AGTRAP: variants seen among roughly 807,000 people sequenced by gnomAD.
AGTRAP encodes angiotensin II receptor associated protein.
A neutral mutation model predicts 15.2 loss-of-function variants in AGTRAP; 7 were observed. That is an observed-to-expected ratio of 0.46 (90% CI 0.26 to 0.87). The LOEUF (loss-of-function observed/expected upper bound fraction) is 0.87, where lower values mean the gene tolerates loss of function less well. Among genes scored for constraint, AGTRAP ranks in the 40% least tolerant of loss-of-function variants. The pLI is 0.15. For missense variants in AGTRAP, 187 were observed against 213.4 expected, an observed-to-expected ratio of 0.88 and a Z score of 0.77; for synonymous variants, 74 against 89.6, an observed-to-expected ratio of 0.83 and a Z score of 0.98.
intron 1 of AGTRAP, among the ~76,000 whole-genome samples, chr1:11,743,405 C>T (rs370416167): frequency 1.3e-5 from 2 of 151,116 alleles, no homozygotes; most frequent in East Asian, 3.9e-4. Context: ...ACCACCATGC[C>T]CAGCTAATTT....
chr1:11,736,966 TGTA>T (rs1052113473), intron 1 of AGTRAP, among the ~76,000 whole-genome samples: 2 of 152,178 alleles, frequency 1.3e-5, no homozygotes, highest in African/African-American at 4.8e-5. Context: ...GGCTAGGGGC[TGTA>T]GTTTTGGTCA....
chr1:11,742,282 G>C (rs1006792415), intron 1 of AGTRAP, among the ~76,000 whole-genome samples: 6 of 152,218 alleles, frequency 3.9e-5, no homozygotes, highest in Non-Finnish European at 8.8e-5. Context: ...GCTGCTGTGA[G>C]GTCCAGATAA....
chr1:11,746,650 C>A, intron 2 of AGTRAP: 1 of 169,716 alleles, frequency 5.9e-6, no homozygotes, highest in East Asian at 1.6e-4. Flanking sequence ...TGACCTTGGG[C>A]GAGTTACTTA....
rs1454368425 is a variant in AGTRAP at position 11,750,382 on chromosome 1, C to T, written c.*190C>T. ...CCATGCACACTCCTGTCCCGAACTC[C>T]CTGAGGCCTCCCCTCCCTTCAGGGC... On this transcript the variant is annotated 3_prime_UTR_variant, in exon 5 of 5. Coordinates refer to ENST00000314340, the MANE Select transcript of AGTRAP (RefSeq NM_020350.5). 1.6e-6 allele frequency: 1 copy of T among 642,100 alleles called. No individual in the cohort carries two copies. The highest frequency in any genetic ancestry group is 2.7e-5 in the East Asian group (1 of 36,558). 39.8% of individuals were successfully genotyped at this position (642,100 alleles called of 1,614,324 possible).
chr1:11,740,577 A>G (rs906640616), intron 1 of AGTRAP, among the ~76,000 whole-genome samples: 1 of 152,174 alleles, frequency 6.6e-6, no homozygotes, highest in Admixed American at 6.5e-5. Flanking sequence ...ACTCTGTATT[A>G]CAGGCCCTTC....
rs745623857 is a variant in AGTRAP at position 11,750,212 on chromosome 1, G to A, written c.*20G>A. 1.2e-5 allele frequency: 19 copies of A among 1,598,962 alleles called. No homozygotes were observed. Among genetic ancestry groups the A allele is most frequent in the South Asian group, 6.6e-5 (6 of 90,480 alleles). The stretch of plus-strand genomic sequence containing the variant: ...TACTGAAGCCAGCCACGCTGCGCCC[G>A]GCCCTGCCCCGGGCCTTCCTCGTGC... On this transcript the variant is annotated 3_prime_UTR_variant, in exon 5 of 5. Transcript: ENST00000314340.
chr1:11,750,229 TCCTC>T lies in AGTRAP; in HGVS notation c.*38_*41del. On this transcript the variant is annotated 3_prime_UTR_variant, in exon 5 of 5. Transcript: ENST00000314340. ...CTGCGCCCGGCCCTGCCCCGGGCCT[TCCTC>T]GTGCCTGGGAGGTCGTTCTAGGGAT... The T allele has an allele frequency of 6.5e-7, 1 of 1,540,476 alleles. No individual in the cohort carries two copies. Among genetic ancestry groups the T allele is most frequent in the Non-Finnish European group, 8.9e-7 (1 of 1,120,140 alleles).
In AGTRAP at chr1:11,745,791, G is replaced by T. The variant is rs1267162921; in HGVS notation, c.28-12G>T. 1 of 1,614,134 alleles carries T rather than the reference G, an allele frequency of 6.2e-7. No homozygotes were observed. The highest frequency in any genetic ancestry group is 2.2e-5 in the East Asian group (1 of 44,880). On this transcript the variant is annotated splice_polypyrimidine_tract_variant and intron_variant, in intron 1 of 4. Coordinates refer to ENST00000314340, the MANE Select transcript of AGTRAP (RefSeq NM_020350.5). The surrounding 1 kb of genome is among the most constrained non-coding windows in gnomAD (Gnocchi z 4.2). ...TTCACAGACCTCTTCTCTCCCCCTT[G>T]TTGTGCCACAGGTGATTCTCCTAGG...
chr1:11,748,521 C>A lies in AGTRAP; in HGVS notation c.275C>A (p.Ala92Asp). ...ACGGGCCGCTTTGGCGTGGGCATGG[C>A]CATCCTCAGCTTGCTGCTCAAGCCG... ...TDTGRFGVGMAILSLLLKPLS... is the reference protein window; with the variant it reads ...TDTGRFGVGMDILSLLLKPLS... The change falls in exon 4 of 5, where the codon GCC (alanine) becomes GAC (aspartate). Residue 92 changes from alanine (A) to aspartate (D), a missense_variant. Ala to Asp is a moderately radical substitution (Grantham distance 126). Coordinates refer to ENST00000314340, the MANE Select transcript of AGTRAP (RefSeq NM_020350.5). 6.2e-7 allele frequency: 1 copy of A among 1,612,510 alleles called. No individual in the cohort carries two copies. Among genetic ancestry groups the A allele is most frequent in the Non-Finnish European group, 8.5e-7 (1 of 1,180,012 alleles).
intron 1 of AGTRAP, among the ~76,000 whole-genome samples, chr1:11,742,458 TTCCTTC>T (rs1642055541): frequency 6.6e-6 from 1 of 151,644 alleles, no homozygotes; most frequent in Admixed American, 6.6e-5. Context: ...CCTTCCTTCC[TTCCTTC>T]TTTCCTTCCT....
chr1:11,744,351 TTACCATAAGGCA>T (rs1370545859), intron 1 of AGTRAP, among the ~76,000 whole-genome samples: 1 of 152,150 alleles, frequency 6.6e-6, no homozygotes, highest in Non-Finnish European at 1.5e-5. Flanking sequence ...TTGTTTTTCC[TTACCATAAGGCA>T]TACCAAGCTA....
intron 1 of AGTRAP, among the ~76,000 whole-genome samples, chr1:11,743,084 C>T (rs889032308): frequency 1.3e-5 from 2 of 152,158 alleles, no homozygotes; most frequent in Admixed American, 1.3e-4. Context: ...CACCCCACCC[C>T]GACCTCAGTT....
intron 1 of AGTRAP, among the ~76,000 whole-genome samples, chr1:11,743,929 C>A (rs1642098499): frequency 6.6e-6 from 1 of 152,066 alleles, no homozygotes; most frequent in Non-Finnish European, 1.5e-5. Context: ...GAGTAGAGAC[C>A]AGTTCCAGGA....
chr1:11,739,752 G>T (rs903009201), intron 1 of AGTRAP, among the ~76,000 whole-genome samples: 1 of 152,234 alleles, frequency 6.6e-6, no homozygotes, highest in Non-Finnish European at 1.5e-5. Context: ...TCAGTAGCAG[G>T]AGTTGCTGCT....
intron 1 of AGTRAP, among the ~76,000 whole-genome samples, chr1:11,741,749 T>G (rs986215126): frequency 6.6e-6 from 1 of 152,146 alleles, no homozygotes; most frequent in Non-Finnish European, 1.5e-5. Flanking sequence ...AAGGATTTAG[T>G]GCATTTATAT....
chr1:11,743,443 G>A (rs1356105819), intron 1 of AGTRAP, among the ~76,000 whole-genome samples: 1 of 151,452 alleles, frequency 6.6e-6, no homozygotes, highest in Non-Finnish European at 1.5e-5. Flanking sequence ...ACAGGGTTTC[G>A]CCATGTTAGC....
chr1:11,745,788 C>A lies in AGTRAP; in HGVS notation c.28-15C>A, dbSNP rs1553174012. ...ATGTTCACAGACCTCTTCTCTCCCCCTTGTTGTGCCACAGGTGATTCTCCT... is the reference window on the plus strand; with the variant it reads ...ATGTTCACAGACCTCTTCTCTCCCCATTGTTGTGCCACAGGTGATTCTCCT... On this transcript the variant is annotated splice_polypyrimidine_tract_variant and intron_variant, in intron 1 of 4. Coordinates refer to ENST00000314340, the MANE Select transcript of AGTRAP (RefSeq NM_020350.5). This position sits in a 1 kb window ranked among gnomAD's most constrained non-coding sequence, Gnocchi z 4.2. The A allele has an allele frequency of 6.2e-7, 1 of 1,614,138 alleles. No individual in the cohort carries two copies. The highest frequency in any genetic ancestry group is 8.5e-7 in the Non-Finnish European group (1 of 1,179,990).
rs780651728 is a variant in AGTRAP, at chr1:11,745,596, C to T, written c.28-207C>T. Among the ~76,000 whole-genome samples the T allele has an allele frequency of 7.9e-5, 12 of 152,162 alleles. No homozygotes were observed. The highest frequency in any genetic ancestry group is 5.2e-4 in the Admixed American group (8 of 15,276). ...CCATGGGAGGGGTGAAGGCATGAAG[C>T]GGCCCCTCCCTGGCCTGGCCTGCTT... On this transcript the variant is annotated intron_variant, in intron 1 of 4. Coordinates refer to ENST00000314340, the MANE Select transcript of AGTRAP (RefSeq NM_020350.5). The surrounding 1 kb of genome is among the most constrained non-coding windows in gnomAD (Gnocchi z 4.2).
Position 11,745,718 on chromosome 1 carries a change from T to A in AGTRAP, c.28-85T>A. 6.9e-7 allele frequency: 1 copy of A among 1,455,504 alleles called. No homozygotes were observed. The highest frequency in any genetic ancestry group is 9.7e-7 in the Non-Finnish European group (1 of 1,036,006). 90.2% of individuals were successfully genotyped at this position (1,455,504 alleles called of 1,614,324 possible). A position where few individuals can be genotyped will look rare whatever the true frequency, so the allele number is the denominator to read the frequency against. On this transcript the variant is annotated intron_variant, in intron 1 of 4. Transcript: ENST00000314340. The surrounding 1 kb of genome is among the most constrained non-coding windows in gnomAD (Gnocchi z 4.2). ...CTCAGAGGTGCCAGGCGCAGGGGCG[T>A]CCTGTGTTTTCTGCACCCGACGCTT...
Sources: gnomAD v4.1 joint callset for allele counts (sites outside exome capture counted in the v4.1 genomes callset) on GRCh38, gnomAD v4.1.1 for gene constraint, Gnocchi (gnomAD v3.1) non-coding constraint, MANE v1.5 for transcripts, NCBI Gene and HGNC (gene_info 2026-07-23, HGNC 2026-07-21) for gene names.